The following CCDC85A variants were observed in gnomAD, a reference collection of about 807,000 sequenced individuals.
CCDC85A encodes the protein coiled-coil domain-containing protein 85A.
In CCDC85A, 38 loss-of-function variants were observed where a neutral mutation model predicts 50.2. That is an observed-to-expected ratio of 0.76 (90% CI 0.58 to 0.99). The LOEUF is 0.99. Ranked by LOEUF, CCDC85A falls within the 50% of genes least tolerant of loss-of-function variation. The pLI is 0.00. For missense variants in CCDC85A, 820 were observed against 742.0 expected (o/e 1.11, Z -1.22); for synonymous variants, 366 against 301.4 (o/e 1.21, Z -2.22).
chr2:56,325,680 A>G (rs1673430320), intron 2 of CCDC85A, among the ~76,000 whole-genome samples: 2 of 152,146 alleles, frequency 1.3e-5, no homozygotes, highest in African/African-American at 4.8e-5. Flanking sequence ...ACAAGCCAGA[A>G]GAAACTGCAC....
intron 2 of CCDC85A, among the ~76,000 whole-genome samples, chr2:56,197,606 C>G (rs1179961977): frequency 2.6e-5 from 4 of 152,150 alleles, no homozygotes; most frequent in Admixed American, 2.6e-4. Context: ...AACCATTGCC[C>G]TCAGTGAGTC....
intron 2 of CCDC85A, among the ~76,000 whole-genome samples, chr2:56,299,019 C>T (rs1049179823): frequency 2.0e-5 from 3 of 152,128 alleles, no homozygotes; most frequent in African/African-American, 7.2e-5. Flanking sequence ...AATCTAGTCA[C>T]CTTGTAGCAA....
intron 2 of CCDC85A, among the ~76,000 whole-genome samples, chr2:56,265,828 G>A (rs1343254477): frequency 6.6e-6 from 1 of 152,060 alleles, no homozygotes; most frequent in African/African-American, 2.4e-5. Flanking sequence ...AGATTTTGAA[G>A]ATATATCTGC....
At chr2:56,381,451 T>C (rs1676581667) in intron 5 of CCDC85A, among the ~76,000 whole-genome samples, 1 of 152,110 alleles carries the variant, frequency 6.6e-6, no homozygotes, top group African/African-American at 2.4e-5. Flanking sequence ...TATGTGGACC[T>C]CCTTCATAAT....
intron 5 of CCDC85A, among the ~76,000 whole-genome samples, chr2:56,381,766 T>G (rs1302036842): frequency 6.6e-6 from 1 of 152,044 alleles, no homozygotes; most frequent in Non-Finnish European, 1.5e-5. Context: ...TTGCTTTCCT[T>G]CCTTTCAATT....
chr2:56,244,310 T>G (rs1253340639), intron 2 of CCDC85A, among the ~76,000 whole-genome samples: 1 of 152,078 alleles, frequency 6.6e-6, no homozygotes, highest in African/African-American at 2.4e-5. Context: ...TCCCTCCCCT[T>G]GCGCCAGCAG....
chr2:56,254,708 A>T (rs1373529382), intron 2 of CCDC85A, among the ~76,000 whole-genome samples: 1 of 152,198 alleles, frequency 6.6e-6, no homozygotes, highest in African/African-American at 2.4e-5. Context: ...ACTATAAGGG[A>T]AAAATATAGG....
At chr2:56,319,789 T>C (rs1673083125) in intron 2 of CCDC85A, among the ~76,000 whole-genome samples, 1 of 152,016 alleles carries the variant, frequency 6.6e-6, no homozygotes, top group African/African-American at 2.4e-5. Context: ...GACTGGGGAA[T>C]TCATTGGGCA....
chr2:56,238,008 A>C (rs181861681), intron 2 of CCDC85A, among the ~76,000 whole-genome samples: 16 of 152,250 alleles, frequency 1.1e-4, no homozygotes, highest in Admixed American at 1.0e-3. Flanking sequence ...TTTCCCAGTG[A>C]CTTTCCCAAA....
intron 2 of CCDC85A, among the ~76,000 whole-genome samples, chr2:56,221,456 C>T (rs542671730): frequency 1.3e-5 from 2 of 151,916 alleles, no homozygotes; most frequent in Non-Finnish European, 1.5e-5. Flanking sequence ...GTTATGTTTG[C>T]ACACTTGTCT....
rs780514203 is a variant in CCDC85A at position 56,193,276 on chromosome 2, C to T, written c.1076C>T (p.Pro359Leu). Reference sequence around the variant, plus strand: ...CTCCCCAGAGCCAGGGGCACCAGCCCGGAGCACCTCAAACAACATTATGGA... The same window carrying T: ...CTCCCCAGAGCCAGGGGCACCAGCCTGGAGCACCTCAAACAACATTATGGA... Reference protein sequence around the residue: ...EHLPRARGTSPEHLKQHYGGS... With the variant: ...EHLPRARGTSLEHLKQHYGGS... Residue 359 changes from proline (P) to leucine (L), a missense_variant, in exon 2 of 6, where the codon CCG (proline) becomes CTG (leucine). Physicochemically the swap from Pro to Leu is moderately conservative, Grantham distance 98 (BLOSUM62 -3). Coordinates refer to ENST00000407595, the MANE Select transcript of CCDC85A (RefSeq NM_001080433.2). 4 of 1,613,878 alleles carry T rather than the reference C, an allele frequency of 2.5e-6. No homozygotes were observed. The East Asian group carries it at 6.7e-5, about 27-fold the overall frequency.
intron 2 of CCDC85A, among the ~76,000 whole-genome samples, chr2:56,312,623 A>C (rs1290318569): frequency 6.6e-6 from 1 of 152,156 alleles, no homozygotes; most frequent in Non-Finnish European, 1.5e-5. Flanking sequence ...ATAATACCAA[A>C]TCCTTGGTCA....
intron 2 of CCDC85A, among the ~76,000 whole-genome samples, chr2:56,298,561 A>G (rs928129528): frequency 6.6e-6 from 1 of 152,194 alleles, no homozygotes; most frequent in Non-Finnish European, 1.5e-5. Flanking sequence ...TGTATATGGT[A>G]TCATGCATTT....
intron 2 of CCDC85A, among the ~76,000 whole-genome samples, chr2:56,339,538 G>A (rs959371520): frequency 3.9e-5 from 6 of 152,128 alleles, no homozygotes; most frequent in African/African-American, 9.7e-5. Flanking sequence ...AACAAATTCC[G>A]TTCAATAGCA....
At chr2:56,330,994 T>C (rs1011511843) in intron 2 of CCDC85A, among the ~76,000 whole-genome samples, 2 of 151,548 alleles carry the variant, frequency 1.3e-5, no homozygotes, top group Non-Finnish European at 2.9e-5. Flanking sequence ...AGTGGATGAT[T>C]GAATAAAGGA....
At chr2:56,238,067 G>A (rs571086757) in intron 2 of CCDC85A, among the ~76,000 whole-genome samples, 70 of 152,128 alleles carry the variant, frequency 4.6e-4, no homozygotes, top group African/African-American at 8.2e-4. Flanking sequence ...TCCCTGGTCC[G>A]CCTGACTGTA....
intron 2 of CCDC85A, among the ~76,000 whole-genome samples, chr2:56,294,005 C>T (rs1429340935): frequency 2.0e-5 from 3 of 152,156 alleles, no homozygotes; most frequent in Non-Finnish European, 4.4e-5. Flanking sequence ...TACATATACA[C>T]TTATGTTTAT....
chr2:56,185,894 A>G (rs886740731), intron 1 of CCDC85A: 6 of 152,428 alleles, frequency 3.9e-5, no homozygotes, highest in African/African-American at 1.4e-4. Context: ...GAAGCCAGAC[A>G]CAAACGAAAT....
At chr2:56,259,931 T>C (rs1046852614) in intron 2 of CCDC85A, among the ~76,000 whole-genome samples, 2 of 152,158 alleles carry the variant, frequency 1.3e-5, no homozygotes, top group African/African-American at 4.8e-5. Context: ...TTCACCAAAC[T>C]CAAGTGGGGC....
Sources: allele counts gnomAD v4.1 joint callset (sites outside exome capture counted in the v4.1 genomes callset), GRCh38; gene constraint gnomAD v4.1.1; transcripts MANE v1.5; gene names NCBI Gene and HGNC (gene_info 2026-07-23, HGNC 2026-07-21).